Variants in KCNC2 observed in about 807,000 individuals in gnomAD.
KCNC2 encodes potassium voltage-gated channel subfamily C member 2, also known as voltage-gated potassium channel KCNC2.
KCNC2 carries 21 observed loss-of-function variants against 44.5 expected under a neutral mutation model. That is an observed-to-expected ratio of 0.47 (90% CI 0.33 to 0.68). KCNC2 has a LOEUF of 0.68. Ranked by LOEUF, KCNC2 falls within the 30% of genes least tolerant of loss-of-function variation. The pLI is 0.01. For missense variants in KCNC2, 589 were observed against 826.2 expected, an observed-to-expected ratio of 0.71 and a Z score of 3.52; for synonymous variants, 391 against 339.1, an observed-to-expected ratio of 1.15 and a Z score of -1.68.
chr12:75,056,477 T>C lies in KCNC2; in HGVS notation c.688-5160A>G, dbSNP rs374481486. Among the ~76,000 whole-genome samples, 67 of 152,104 alleles carry C rather than the reference T, an allele frequency of 4.4e-4. 1 individual carries two copies. In the South Asian group the frequency reaches 0.013, roughly 30 times the overall value. ...ATAATTTTACATAAGTTGCATTATT[T>C]TTAGTTTGTATTTCTAAGGACATTA... is the stretch of plus-strand genomic sequence containing the variant. On this transcript the variant is annotated intron_variant, in intron 2 of 4. Coordinates refer to ENST00000549446, the MANE Select transcript of KCNC2 (RefSeq NM_139137.4).
At chr12:75,165,387 CATATG>C (rs1463559085) in intron 2 of KCNC2, among the ~76,000 whole-genome samples, 1 of 151,418 alleles carries the variant, frequency 6.6e-6, no homozygotes, top group Non-Finnish European at 1.5e-5. Context: ...ATTCTATTTT[CATATG>C]TTATCTCAGA....
chr12:75,163,756 AAG>A (rs1891270815), intron 2 of KCNC2, among the ~76,000 whole-genome samples: 2 of 151,876 alleles, frequency 1.3e-5, no homozygotes, highest in South Asian at 2.1e-4. Context: ...GATTATGTAA[AAG>A]AGAAGATTAG....
At chr12:75,144,221 T>C (rs1889855864) in intron 2 of KCNC2, among the ~76,000 whole-genome samples, 1 of 152,196 alleles carries the variant, frequency 6.6e-6, no homozygotes, top group Admixed American at 6.5e-5. Flanking sequence ...GTCATAAGCA[T>C]CCTCAGGGCA....
rs574492797 is a variant in KCNC2, at chr12:75,046,489, C to T, written c.1780+1664G>A. Reference sequence around the variant, plus strand: ...TAGTATAAATATTACATGTGATAATCTTATTGAATGCTGCTTAAAAATGTA... The same window carrying T: ...TAGTATAAATATTACATGTGATAATTTTATTGAATGCTGCTTAAAAATGTA... On this transcript the variant is annotated intron_variant, in intron 4 of 4. Coordinates refer to ENST00000549446, the MANE Select transcript of KCNC2 (RefSeq NM_139137.4). Among the ~76,000 whole-genome samples the T allele has an allele frequency of 7.2e-5, 11 of 151,824 alleles. No individual in the cohort carries two copies. The East Asian group carries it at 1.7e-3, about 24-fold the overall frequency.
In KCNC2 at chr12:75,042,231, A is replaced by C; in HGVS notation, c.*874T>G. ...ATTTTTTTTTTTTAAAGAGTCTAGA[A>C]CCAAGCAGCAATTTCTGGCTAAACA... On this transcript the variant is annotated 3_prime_UTR_variant, in exon 5 of 5. Transcript: ENST00000549446. 1 of 1,574,300 alleles carries C rather than the reference A, an allele frequency of 6.4e-7. No homozygotes were observed.
intron 2 of KCNC2, among the ~76,000 whole-genome samples, chr12:75,122,094 A>T (rs965346309): frequency 2.0e-5 from 3 of 152,194 alleles, no homozygotes; most frequent in Non-Finnish European, 4.4e-5. Context: ...CATCTGGAGA[A>T]ATCACAGGTC....
rs898761723 is a variant in KCNC2, at chr12:75,181,875, T to C, written c.687+25422A>G. On this transcript the variant is annotated intron_variant, in intron 2 of 4. Transcript: ENST00000549446. ...ATCTCTTCAATCATTTAATCATTACTACCAGTCTACTAGGGAAACATTATT... is the reference window on the plus strand; with the variant it reads ...ATCTCTTCAATCATTTAATCATTACCACCAGTCTACTAGGGAAACATTATT... Among the ~76,000 whole-genome samples, 3 of 143,642 alleles carry C rather than the reference T, an allele frequency of 2.1e-5. No homozygotes were observed. In the Admixed American group the frequency reaches 2.1e-4, roughly 10 times the overall value. The allele number at this position is 143,642 out of a possible 152,430, so 94.2% of individuals were successfully genotyped here. A position where few individuals can be genotyped will look rare whatever the true frequency, so the allele number is the denominator to read the frequency against.
At chr12:75,043,775 T>C (rs1185083263) in intron 4 of KCNC2, 1 of 1,514,652 alleles carries the variant, frequency 6.6e-7, no homozygotes, top group African/African-American at 1.4e-5. Context: ...TTGGTGCCAT[T>C]ATCCAGGTGA....
intron 2 of KCNC2, among the ~76,000 whole-genome samples, chr12:75,171,005 G>C (rs949958387): frequency 6.6e-6 from 1 of 151,674 alleles, no homozygotes; most frequent in African/African-American, 2.4e-5. Context: ...TCAGTTCCTA[G>C]AGGCCACTCT....
At chr12:75,185,154 A>C (rs888427352) in intron 2 of KCNC2, among the ~76,000 whole-genome samples, 2 of 152,262 alleles carry the variant, frequency 1.3e-5, no homozygotes, top group African/African-American at 4.8e-5. Flanking sequence ...TGCAATTCTT[A>C]ATAGAAATAG....
intron 2 of KCNC2, among the ~76,000 whole-genome samples, chr12:75,175,109 CT>C (rs1892095883): frequency 6.6e-6 from 1 of 151,798 alleles, no homozygotes; most frequent in Non-Finnish European, 1.5e-5. Flanking sequence ...GCCTGTGTAC[CT>C]GAAGGATCAA....
intron 2 of KCNC2, among the ~76,000 whole-genome samples, chr12:75,144,884 A>C (rs1377400353): frequency 6.6e-6 from 1 of 152,030 alleles, no homozygotes; most frequent in East Asian, 1.9e-4. Context: ...TCCATAATCG[A>C]AATAGTCAGA....
chr12:75,205,878 G>T (rs1593097845), intron 2 of KCNC2, among the ~76,000 whole-genome samples: 1 of 123,270 alleles, frequency 8.1e-6, no homozygotes, highest in Admixed American at 8.6e-5. Context: ...CTCTGTTGTT[G>T]AATTTATGGC....
intron 2 of KCNC2, among the ~76,000 whole-genome samples, chr12:75,069,850 C>A (rs1240870722): frequency 6.6e-6 from 1 of 152,064 alleles, no homozygotes; most frequent in Non-Finnish European, 1.5e-5. Context: ...GCTAGGGAGA[C>A]CCAGGGAAGT....
intron 2 of KCNC2, among the ~76,000 whole-genome samples, chr12:75,070,362 A>G (rs1417745796): frequency 6.7e-6 from 1 of 149,590 alleles, no homozygotes; most frequent in Non-Finnish European, 1.5e-5. Context: ...GAGGCAGGAG[A>G]ATCACTTGAA....
chr12:75,133,237 T>C (rs1227039348), intron 2 of KCNC2, among the ~76,000 whole-genome samples: 1 of 151,978 alleles, frequency 6.6e-6, no homozygotes, highest in Non-Finnish European at 1.5e-5. Flanking sequence ...GGGAAGACTA[T>C]AGTTAACAAT....
At chr12:75,169,229 A>G (rs1297836830) in intron 2 of KCNC2, among the ~76,000 whole-genome samples, 3 of 151,594 alleles carry the variant, frequency 2.0e-5, no homozygotes, top group Non-Finnish European at 4.4e-5. Flanking sequence ...TATGATTTCT[A>G]TCTTAGCACA....
chr12:75,051,212 T>G lies in KCNC2; in HGVS notation c.793A>C (p.Ile265Leu). 6.2e-7 allele frequency: 1 copy of G among 1,613,102 alleles called. No homozygotes were observed. The highest frequency in any genetic ancestry group is 8.5e-7 in the Non-Finnish European group (1 of 1,179,176). The change falls in exon 3 of 5, where the codon ATC (isoleucine) becomes CTC (leucine). Residue 265 changes from isoleucine (I) to leucine (L), a missense_variant. Physicochemically the swap from Ile to Leu is conservative, Grantham distance 5 (BLOSUM62 2). Coordinates refer to ENST00000549446, the MANE Select transcript of KCNC2 (RefSeq NM_139137.4). ...TGTAGAACAACACTTGTGCCATTGA[T>G]GACTGGTTCTGTCTTGTTTTTAACA... ...NIVKNKTEPV[I>L]NGTSVVLQYE...
At chr12:75,088,312 T>C (rs1203697210) in intron 2 of KCNC2, among the ~76,000 whole-genome samples, 1 of 152,106 alleles carries the variant, frequency 6.6e-6, no homozygotes, top group African/African-American at 2.4e-5. Context: ...AAACATGTGA[T>C]AATTTAATGA....
Sources: gnomAD v4.1 joint callset for allele counts (sites outside exome capture counted in the v4.1 genomes callset) on GRCh38, gnomAD v4.1.1 for gene constraint, MANE v1.5 for transcripts, NCBI Gene and HGNC (gene_info 2026-07-23, HGNC 2026-07-21) for gene names.